TMTC2: variants seen among roughly 807,000 people sequenced by gnomAD.
TMTC2 encodes protein O-mannosyl-transferase TMTC2.
Under a neutral mutation model 82.4 loss-of-function variants are expected in TMTC2, and 43 were observed. The observed-to-expected ratio is 0.52, with a 90% CI of 0.41 to 0.67. TMTC2 has a LOEUF of 0.67. TMTC2 is among the 30% of genes least tolerant of loss of function. The pLI is 0.00. For missense variants in TMTC2, 919 were observed against 1,012.4 expected (o/e 0.91, Z 1.25); for synonymous variants, 408 against 381.9 (o/e 1.07, Z -0.80).
At chr12:82,925,871 C>G (rs1592632113) in intron 3 of TMTC2, among the ~76,000 whole-genome samples, 1 of 152,252 alleles carries the variant, frequency 6.6e-6, no homozygotes, top group South Asian at 2.1e-4. Context: ...TGGCATGTCT[C>G]TCACTTTACA....
intron 9 of TMTC2, among the ~76,000 whole-genome samples, chr12:83,047,603 AT>A (rs1476952438): frequency 2.6e-5 from 4 of 152,190 alleles, no homozygotes; most frequent in African/African-American, 9.6e-5. Flanking sequence ...ATAGAGGAAA[AT>A]ATCCAGATAT....
rs376777607 is a variant in TMTC2, at chr12:83,085,967, A to G, written c.2331+24136A>G. On this transcript the variant is annotated intron_variant, in intron 11 of 11. Coordinates refer to ENST00000321196, the MANE Select transcript of TMTC2 (RefSeq NM_152588.3). The stretch of plus-strand genomic sequence containing the variant: ...ATAAAAAGTAGTCTTGCCTTTGTGT[A>G]ATAAAGTGATTCTCAACCTTGGCTG... 7.2e-5 allele frequency among the ~76,000 whole-genome samples: 11 copies of G among 152,240 alleles called. No individual in the cohort carries two copies. In the East Asian group the frequency reaches 9.6e-4, roughly 13 times the overall value.
intron 4 of TMTC2, among the ~76,000 whole-genome samples, chr12:82,937,751 T>TGTATATATATATATATATATATAC (rs1876422738): frequency 3.8e-5 from 2 of 52,284 alleles, no homozygotes; most frequent in Non-Finnish European, 6.8e-5. Flanking sequence ...TGTGTGTGTG[T>TGTATATATATATATATATATATAC]ATATATATAT....
At chr12:82,944,026 A>G (rs1220705316) in intron 4 of TMTC2, among the ~76,000 whole-genome samples, 1 of 152,210 alleles carries the variant, frequency 6.6e-6, no homozygotes, top group East Asian at 1.9e-4. Flanking sequence ...TACTAGAAAG[A>G]CAGGTAAGTA....
At chr12:82,814,426 GA>G (rs1301413000) in intron 1 of TMTC2, among the ~76,000 whole-genome samples, 4 of 152,068 alleles carry the variant, frequency 2.6e-5, no homozygotes, top group Non-Finnish European at 5.9e-5. Context: ...GCATGTTGAG[GA>G]ATACAAGATA....
chr12:82,696,702 G>A (rs1872805154), intron 1 of TMTC2, among the ~76,000 whole-genome samples: 1 of 152,088 alleles, frequency 6.6e-6, no homozygotes, highest in South Asian at 2.1e-4. Flanking sequence ...AAATAGTGTA[G>A]TATTTCTAGG....
intron 7 of TMTC2, among the ~76,000 whole-genome samples, chr12:82,977,011 A>G (rs1283535399): frequency 6.6e-6 from 1 of 152,038 alleles, no homozygotes; most frequent in African/African-American, 2.4e-5. Flanking sequence ...AAAATATATA[A>G]AAGATTGTGT....
chr12:82,984,930 C>T (rs969857077), intron 7 of TMTC2, among the ~76,000 whole-genome samples: 2 of 151,934 alleles, frequency 1.3e-5, no homozygotes, highest in Non-Finnish European at 2.9e-5. Context: ...GGCCAAAATG[C>T]CTCACACTCA....
At chr12:83,104,478 A>G (rs937645888) in intron 11 of TMTC2, among the ~76,000 whole-genome samples, 2 of 152,164 alleles carry the variant, frequency 1.3e-5, no homozygotes, top group African/African-American at 4.8e-5. Flanking sequence ...GCTTCCCTGC[A>G]GGCTTAACAT....
intron 1 of TMTC2, among the ~76,000 whole-genome samples, chr12:82,819,101 A>T (rs554108861): frequency 4.6e-5 from 7 of 152,156 alleles, no homozygotes; most frequent in African/African-American, 1.7e-4. Flanking sequence ...ATTTATATAC[A>T]TCCTAGATGA....
intron 1 of TMTC2, among the ~76,000 whole-genome samples, chr12:82,792,322 G>A (rs917964565): frequency 7.2e-5 from 11 of 151,890 alleles, no homozygotes; most frequent in East Asian, 1.9e-4. Context: ...TAAAGTGTAT[G>A]ACTCAGTGAC....
chr12:82,836,001 A>G (rs979331550), intron 1 of TMTC2, among the ~76,000 whole-genome samples: 25 of 152,246 alleles, frequency 1.6e-4, no homozygotes, highest in African/African-American at 6.0e-4. Flanking sequence ...TATGAGTAAA[A>G]TACAGTGTCT....
intron 2 of TMTC2, among the ~76,000 whole-genome samples, chr12:82,879,015 C>T (rs1872703237): frequency 6.6e-6 from 1 of 152,190 alleles, no homozygotes; most frequent in African/African-American, 2.4e-5. Flanking sequence ...ATATAGACAT[C>T]AATTTCCTCA....
chr12:83,076,794 C>T (rs1420771706), intron 11 of TMTC2, among the ~76,000 whole-genome samples: 1 of 152,160 alleles, frequency 6.6e-6, no homozygotes, highest in Non-Finnish European at 1.5e-5. Context: ...CTAATTCTCC[C>T]TGTAACACCC....
At chr12:82,826,588 A>G (rs549398520) in intron 1 of TMTC2, among the ~76,000 whole-genome samples, 5 of 152,320 alleles carry the variant, frequency 3.3e-5, no homozygotes, top group African/African-American at 9.6e-5. Flanking sequence ...AGCCTCAATT[A>G]TGTTCATAAG....
rs114120376 is a variant in TMTC2, at chr12:82,729,758, C to T, written c.83+42089C>T. The stretch of plus-strand genomic sequence containing the variant: ...GCTAGCAGTGGCAACCCGCAGGGGC[C>T]GTTTTCCGTGCTGTGGTAGCTTTGT... On this transcript the variant is annotated intron_variant, in intron 1 of 11. Coordinates refer to ENST00000321196, the MANE Select transcript of TMTC2 (RefSeq NM_152588.3). 6.1e-3 allele frequency among the ~76,000 whole-genome samples: 922 copies of T among 152,276 alleles called. 10 individuals are homozygous for T. Among genetic ancestry groups the T allele is most frequent in the African/African-American group, 0.02 (839 of 41,546 alleles).
chr12:82,826,309 A>T (rs973581628), intron 1 of TMTC2, among the ~76,000 whole-genome samples: 1 of 152,158 alleles, frequency 6.6e-6, no homozygotes, highest in African/African-American at 2.4e-5. Flanking sequence ...ATGTGGGAGC[A>T]TACTGATGTG....
At chr12:83,121,103 G>A (rs1375863697) in intron 11 of TMTC2, among the ~76,000 whole-genome samples, 1 of 151,846 alleles carries the variant, frequency 6.6e-6, no homozygotes, top group Non-Finnish European at 1.5e-5. Context: ...GTTTTTTCTG[G>A]TGCCTCCCTG....
chr12:82,919,118 G>A (rs1875219509), intron 3 of TMTC2, among the ~76,000 whole-genome samples: 1 of 152,180 alleles, frequency 6.6e-6, no homozygotes, highest in Non-Finnish European at 1.5e-5. Flanking sequence ...TAGAGACTGG[G>A]AAGTCCAAGA....
Sources: gnomAD v4.1 joint callset for allele counts (sites outside exome capture counted in the v4.1 genomes callset) on GRCh38, gnomAD v4.1.1 for gene constraint, MANE v1.5 for transcripts, NCBI Gene and HGNC (gene_info 2026-07-23, HGNC 2026-07-21) for gene names.